Variants in NFASC observed in about 807,000 individuals in gnomAD.
NFASC encodes neurofascin, also known as neurofascin homolog.
Under a neutral mutation model 147.5 loss-of-function variants are expected in NFASC, and 43 were observed. The observed-to-expected ratio is 0.29, with a 90% CI of 0.23 to 0.38. NFASC has a LOEUF of 0.38. NFASC is among the 10% of genes least tolerant of loss of function. The pLI is 1.00. For missense variants in NFASC, 1,320 were observed against 1,689.0 expected (o/e 0.78, Z 3.83); for synonymous variants, 622 against 665.5 (o/e 0.93, Z 1.01).
rs1201285390 is a variant in NFASC, at chr1:205,012,880, C to T, written c.3491+14C>T. 6.3e-7 allele frequency: 1 copy of T among 1,593,630 alleles called. No homozygotes were observed. Among genetic ancestry groups the T allele is most frequent in the South Asian group, 1.1e-5 (1 of 90,646 alleles). On this transcript the variant is annotated intron_variant, in intron 29 of 29. Coordinates refer to ENST00000339876, the MANE Select transcript of NFASC (RefSeq NM_001005388.3). ...ATTTGACTATAGGTGCGTGATCTCC[C>T]TCCTCCTCTCTCAGGCAGGCTGTCC...
In NFASC at chr1:204,997,378, C is replaced by T. The variant is rs761216129; in HGVS notation, c.2991C>T (p.Thr997=). 3 of 1,553,076 alleles carry T rather than the reference C, an allele frequency of 1.9e-6. No homozygotes were observed. Among genetic ancestry groups the T allele is most frequent in the Non-Finnish European group, 2.6e-6 (3 of 1,147,702 alleles). The change falls in exon 25 of 30, where the codon ACC becomes ACT. Residue 997 remains threonine, a synonymous_variant. Coordinates refer to ENST00000339876, the MANE Select transcript of NFASC (RefSeq NM_001005388.3). The part of the protein sequence containing the change: ...ATTTTESPPT[T]TSGTKIHESA... ...CCACCACGGAGAGTCCTCCCACCACCACCTCCGGGACTAAGATACACGAAT... is the reference window on the plus strand; with the variant it reads ...CCACCACGGAGAGTCCTCCCACCACTACCTCCGGGACTAAGATACACGAAT...
chr1:204,854,365 C>T (rs1002852302), intron 1 of NFASC, among the ~76,000 whole-genome samples: 33 of 152,214 alleles, frequency 2.2e-4, no homozygotes, highest in African/African-American at 7.0e-4. Flanking sequence ...GACATAGACC[C>T]CGGTTGCGTT....
At chr1:204,846,056 A>T (rs933668028) in intron 1 of NFASC, among the ~76,000 whole-genome samples, 3 of 151,714 alleles carry the variant, frequency 2.0e-5, no homozygotes, top group Non-Finnish European at 4.4e-5. Context: ...ATGACTTCTG[A>T]TTTAAAAATG....
In NFASC at chr1:204,986,249, T is replaced by G; in HGVS notation, c.2471-1169T>G. On this transcript the variant is annotated intron_variant, in intron 21 of 29. Coordinates refer to ENST00000339876, the MANE Select transcript of NFASC (RefSeq NM_001005388.3). This position sits in a 1 kb window ranked among gnomAD's most constrained non-coding sequence, Gnocchi z 4.2. ...GCGAGGCCTCCAGGAGCGGATGACC[T>G]GCAAGCCGAGCCACTACAGCCATTC... The G allele has an allele frequency of 1.5e-6, 1 of 660,556 alleles. No homozygotes were observed. Among genetic ancestry groups the G allele is most frequent in the Non-Finnish European group, 2.7e-6 (1 of 372,386 alleles). The allele number at this position is 660,556 out of a possible 1,614,324, so 40.9% of individuals were successfully genotyped here.
At chr1:204,995,350 G>GTGTGTGTA (rs1553314756) in intron 24 of NFASC, among the ~76,000 whole-genome samples, 3 of 126,676 alleles carry the variant, frequency 2.4e-5, no homozygotes, top group African/African-American at 5.7e-5. Context: ...GTGTGTGTGT[G>GTGTGTGTA]TGTATGTGTG....
In NFASC at chr1:204,877,049, AATATATTTATT is replaced by A. The variant is rs1558549800; in HGVS notation, c.-199-43582_-199-43572del. Among the ~76,000 whole-genome samples, 173 of 92,566 alleles carry A rather than the reference AATATATTTATT, an allele frequency of 1.9e-3. 15 individuals carry two copies. In the East Asian group the frequency reaches 0.037, roughly 20 times the overall value. The allele number at this position is 92,566 out of a possible 152,430, so 60.7% of individuals were successfully genotyped here. A position where few individuals can be genotyped will look rare whatever the true frequency, so the allele number is the denominator to read the frequency against. On this transcript the variant is annotated intron_variant, in intron 1 of 29. Transcript: ENST00000339876. ...ATATAATATATATTTATATATATAT[AATATATTTATT>A]TATATATTTATATATATATAATATA... is the stretch of plus-strand genomic sequence containing the variant.
chr1:204,967,217 G>A (rs568127571), intron 8 of NFASC, among the ~76,000 whole-genome samples: 26 of 152,224 alleles, frequency 1.7e-4, no homozygotes, highest in African/African-American at 6.0e-4. Flanking sequence ...ATGTACGATC[G>A]TACACCTTGG....
intron 2 of NFASC, among the ~76,000 whole-genome samples, chr1:204,929,139 C>G (rs796561266): frequency 6.6e-5 from 10 of 152,014 alleles, no homozygotes; most frequent in African/African-American, 2.4e-4. Context: ...GAATCAGGAC[C>G]ACCTGATACC....
chr1:205,009,547 T>TC lies in NFASC; in HGVS notation c.3290-6dup. 6.2e-7 allele frequency: 1 copy of TC among 1,613,752 alleles called. No homozygotes were observed. On this transcript the variant is annotated splice_polypyrimidine_tract_variant and intron_variant, in intron 27 of 29. Coordinates refer to ENST00000339876, the MANE Select transcript of NFASC (RefSeq NM_001005388.3). ...TCATTCACGGGTTTGCTTCCGGCCC[T>TC]CCCCGCCAGCTTACACCAACAACCA...
intron 1 of NFASC, among the ~76,000 whole-genome samples, chr1:204,859,379 A>G (rs1384498534): frequency 6.6e-6 from 1 of 152,232 alleles, no homozygotes; most frequent in Non-Finnish European, 1.5e-5. Flanking sequence ...ATCATTGGCC[A>G]CAGCAGTTGG....
At chr1:204,956,499 G>C (rs2094438396) in intron 7 of NFASC, among the ~76,000 whole-genome samples, 1 of 152,190 alleles carries the variant, frequency 6.6e-6, no homozygotes, top group Non-Finnish European at 1.5e-5. Context: ...TCAAGGCTCA[G>C]CTTAGGACCC....
chr1:204,991,736 G>A (rs1558398325), intron 24 of NFASC, among the ~76,000 whole-genome samples: 1 of 152,222 alleles, frequency 6.6e-6, no homozygotes, highest in Non-Finnish European at 1.5e-5. Flanking sequence ...GCTCCTGGTG[G>A]GGCTGCCATC....
At chr1:204,949,104 G>T (rs777474199) in intron 3 of NFASC, among the ~76,000 whole-genome samples, 1 of 152,212 alleles carries the variant, frequency 6.6e-6, no homozygotes, top group Non-Finnish European at 1.5e-5. Flanking sequence ...GGCAAATGGC[G>T]AAGCAAATGT....
intron 1 of NFASC, among the ~76,000 whole-genome samples, chr1:204,882,648 C>T (rs929088455): frequency 3.3e-5 from 5 of 152,060 alleles, no homozygotes; most frequent in African/African-American, 1.2e-4. Context: ...TCTTGTTTAC[C>T]CCTGAATCCC....
Position 204,986,314 on chromosome 1 carries a change from G to A in NFASC, c.2471-1104G>A, listed in dbSNP as rs1323499940. Among the ~76,000 whole-genome samples, 1 of 152,234 alleles carries A rather than the reference G, an allele frequency of 6.6e-6. No homozygotes were observed. The highest frequency in any genetic ancestry group is 6.5e-5 in the Admixed American group (1 of 15,288). ...CCAAGGTGACCTGCCCTGCGAGGAG[G>A]TTGTATCTCAAGAGAAGACCTGTGA... On this transcript the variant is annotated intron_variant, in intron 21 of 29. Transcript: ENST00000339876. This position sits in a 1 kb window ranked among gnomAD's most constrained non-coding sequence, Gnocchi z 4.2.
intron 24 of NFASC, among the ~76,000 whole-genome samples, chr1:204,993,292 G>A (rs540862515): frequency 3.9e-5 from 6 of 152,168 alleles, no homozygotes; most frequent in African/African-American, 7.2e-5. Context: ...TGATTTGGCC[G>A]GGGTAGTCAA....
chr1:204,898,957 G>C (rs76460803), intron 1 of NFASC, among the ~76,000 whole-genome samples: 1,800 of 152,220 alleles, frequency 0.012, 55 homozygotes, highest in African/African-American at 0.041. Flanking sequence ...TTTAACCTTG[G>C]GGAGCTTCCA....
chr1:204,855,662 C>G (rs908095098), intron 1 of NFASC, among the ~76,000 whole-genome samples: 1 of 152,204 alleles, frequency 6.6e-6, no homozygotes, highest in African/African-American at 2.4e-5. Context: ...CTGCCTCACA[C>G]AAGGACCCTT....
Position 204,936,063 on chromosome 1 carries a change from G to C in NFASC, c.-90-8163G>C, listed in dbSNP as rs113347847. On this transcript the variant is annotated intron_variant, in intron 2 of 29. Transcript: ENST00000339876. ...CAGCTCTGGGGAGAGTGGGAGGGGGGTCCTGAGTCCCACCTGTTCTCCTCC... is the reference window on the plus strand; with the variant it reads ...CAGCTCTGGGGAGAGTGGGAGGGGGCTCCTGAGTCCCACCTGTTCTCCTCC... 8.2e-4 allele frequency among the ~76,000 whole-genome samples: 125 copies of C among 152,136 alleles called. 1 individual carries two copies. Among genetic ancestry groups the C allele is most frequent in the African/African-American group, 3.0e-3 (125 of 41,492 alleles).
Sources: gnomAD v4.1 joint callset for allele counts (sites outside exome capture counted in the v4.1 genomes callset) on GRCh38, gnomAD v4.1.1 for gene constraint, Gnocchi (gnomAD v3.1) non-coding constraint, MANE v1.5 for transcripts, NCBI Gene and HGNC (gene_info 2026-07-23, HGNC 2026-07-21) for gene names.